The following KCNQ3 variants were observed in gnomAD, a reference collection of about 807,000 sequenced individuals.
KCNQ3 encodes the protein potassium voltage-gated channel subfamily Q member 3.
A neutral mutation model predicts 92.5 loss-of-function variants in KCNQ3; 30 were observed. That is an observed-to-expected ratio of 0.32 (90% CI 0.24 to 0.44). The LOEUF (loss-of-function observed/expected upper bound fraction) is 0.44, where lower values mean the gene tolerates loss of function less well. KCNQ3 is among the 20% of genes least tolerant of loss of function. The pLI is 1.00. For missense variants in KCNQ3, 913 were observed against 1,140.3 expected (o/e 0.80, Z 2.87); for synonymous variants, 450 against 468.8 (o/e 0.96, Z 0.52).
chr8:132,388,983 A>T (rs1429807317), intron 1 of KCNQ3, among the ~76,000 whole-genome samples: 1 of 152,232 alleles, frequency 6.6e-6, no homozygotes, highest in Non-Finnish European at 1.5e-5. Context: ...TTTGGTATCA[A>T]GTGGAAAGAA....
intron 1 of KCNQ3, among the ~76,000 whole-genome samples, chr8:132,474,850 C>G (rs72723127): frequency 0.071 from 10,723 of 152,096 alleles, 395 homozygotes; most frequent in Middle Eastern, 0.092. Flanking sequence ...GGGGAGTCAC[C>G]AAGTGAAAGC....
chr8:132,277,283 T>C (rs1199852531), intron 1 of KCNQ3, among the ~76,000 whole-genome samples: 1 of 152,166 alleles, frequency 6.6e-6, no homozygotes, highest in East Asian at 1.9e-4. Flanking sequence ...AAGTAGCACA[T>C]TCAAACTCAG....
intron 1 of KCNQ3, among the ~76,000 whole-genome samples, chr8:132,294,281 G>A (rs536674593): frequency 4.6e-5 from 7 of 152,252 alleles, no homozygotes; most frequent in African/African-American, 1.7e-4. Flanking sequence ...GATTACAGGC[G>A]TGAGCCACCG....
intron 13 of KCNQ3, 65 bp from the exon 14 acceptor site, chr8:132,132,329 G>T: frequency 1.5e-6 from 2 of 1,314,220 alleles, no homozygotes; most frequent in Non-Finnish European, 2.2e-6. Flanking sequence ...GGTAATTTCG[G>T]CTAGGCAGGC....
intron 1 of KCNQ3, among the ~76,000 whole-genome samples, chr8:132,258,875 AT>A (rs1324094532): frequency 6.6e-6 from 1 of 152,116 alleles, no homozygotes; most frequent in Non-Finnish European, 1.5e-5. Flanking sequence ...GCTATGAATA[AT>A]TGTATGTCAA....
chr8:132,292,462 G>A (rs1308620443), intron 1 of KCNQ3, among the ~76,000 whole-genome samples: 1 of 152,194 alleles, frequency 6.6e-6, no homozygotes, highest in Non-Finnish European at 1.5e-5. Flanking sequence ...CATGGAATCT[G>A]ACCACAGAGA....
At chr8:132,208,903 T>G (rs1813758522) in intron 1 of KCNQ3, among the ~76,000 whole-genome samples, 1 of 152,158 alleles carries the variant, frequency 6.6e-6, no homozygotes. Context: ...AAACACCTCC[T>G]GGATCTAGAG....
intron 1 of KCNQ3, among the ~76,000 whole-genome samples, chr8:132,211,806 A>T (rs1433200848): frequency 6.6e-6 from 1 of 152,004 alleles, no homozygotes; most frequent in Non-Finnish European, 1.5e-5. Flanking sequence ...CAAAAAAATT[A>T]GCCAGGCATG....
intron 1 of KCNQ3, among the ~76,000 whole-genome samples, chr8:132,294,823 G>T (rs7842250): frequency 0.026 from 3,898 of 152,236 alleles, 180 homozygotes; most frequent in African/African-American, 0.088. Context: ...ACTACTTAAA[G>T]TTATTGGGCA....
chr8:132,447,301 G>A, intron 1 of KCNQ3: 11 of 1,480,214 alleles, frequency 7.4e-6, no homozygotes, highest in Non-Finnish European at 1.0e-5. Context: ...AAGCAGGGCA[G>A]AATGGGCAGA....
chr8:132,213,061 C>CT (rs556901256), intron 1 of KCNQ3, among the ~76,000 whole-genome samples: 39 of 150,202 alleles, frequency 2.6e-4, no homozygotes, highest in Admixed American at 8.7e-4. Flanking sequence ...AAAACCAAGA[C>CT]TTTTTTTTTT....
intron 4 of KCNQ3, 50 bp downstream of exon 4, chr8:132,180,107 T>C (rs774238032): frequency 3.8e-6 from 6 of 1,596,466 alleles, no homozygotes; most frequent in African/African-American, 2.7e-5. Context: ...TGGAAGGGCA[T>C]AGGTGGGTGG....
intron 1 of KCNQ3, among the ~76,000 whole-genome samples, chr8:132,275,948 G>A (rs1322195640): frequency 1.3e-5 from 2 of 151,634 alleles, no homozygotes; most frequent in Non-Finnish European, 2.9e-5. Context: ...CTGAACCCAA[G>A]TAATTAAACT....
chr8:132,204,052 T>C (rs1342938638), intron 1 of KCNQ3, among the ~76,000 whole-genome samples: 1 of 152,224 alleles, frequency 6.6e-6, no homozygotes, highest in Admixed American at 6.5e-5. Flanking sequence ...AAAGGAAAAC[T>C]GACAATTACC....
At chr8:132,363,316 A>C (rs1349241435) in intron 1 of KCNQ3, among the ~76,000 whole-genome samples, 1 of 151,872 alleles carries the variant, frequency 6.6e-6, no homozygotes, top group East Asian at 1.9e-4. Context: ...CAGAGCCTCT[A>C]ATAAGTTAAA....
chr8:132,324,526 T>G (rs1817985610), intron 1 of KCNQ3, among the ~76,000 whole-genome samples: 1 of 152,196 alleles, frequency 6.6e-6, no homozygotes. Context: ...CCCCAGTAAC[T>G]TGTCTCTAAA....
intron 10 of KCNQ3, chr8:132,140,491 G>A (rs959713925): frequency 8.6e-5 from 31 of 362,472 alleles, no homozygotes; most frequent in African/African-American, 6.0e-4. Flanking sequence ...AGCCAGCAAA[G>A]GACACAGAAG....
chr8:132,428,724 C>T (rs1301302390), intron 1 of KCNQ3, among the ~76,000 whole-genome samples: 1 of 152,184 alleles, frequency 6.6e-6, no homozygotes, highest in Admixed American at 6.5e-5. Context: ...GCATATGCCT[C>T]GCCAGGAGCA....
At position 132,186,145 on chromosome 8, in the gene KCNQ3, G is replaced by A; in HGVS notation, c.423C>T (p.Val141=). The part of the protein sequence containing the change: ...LIVLGCLILA[V]LTTFKEYETV... Reference sequence around the variant, plus strand: ...TCTCATACTCCTTGAATGTGGTCAGGACAGCCAGAATCAAGCACCCCAGGA... The same window carrying A: ...TCTCATACTCCTTGAATGTGGTCAGAACAGCCAGAATCAAGCACCCCAGGA... Residue 141 remains valine, a synonymous_variant, in exon 2 of 15, where the codon GTC becomes GTT. Coordinates refer to ENST00000388996, the MANE Select transcript of KCNQ3 (RefSeq NM_004519.4). 1.2e-6 allele frequency: 2 copies of A among 1,613,924 alleles called. No individual in the cohort carries two copies. The highest frequency in any genetic ancestry group is 1.7e-6 in the Non-Finnish European group (2 of 1,179,824).
Sources: gnomAD v4.1 joint callset for allele counts (sites outside exome capture counted in the v4.1 genomes callset) on GRCh38, gnomAD v4.1.1 for gene constraint, MANE v1.5 for transcripts, NCBI Gene and HGNC (gene_info 2026-07-23, HGNC 2026-07-21) for gene names.